RAF1: variants seen among roughly 807,000 people sequenced by gnomAD.
RAF1 encodes Raf-1 proto-oncogene, serine/threonine kinase.
A neutral mutation model predicts 81.1 loss-of-function variants in RAF1; 27 were observed. The observed-to-expected ratio is 0.33, with a 90% CI of 0.25 to 0.46. The LOEUF (loss-of-function observed/expected upper bound fraction) is 0.46. RAF1 is among the 20% of genes least tolerant of loss of function. RAF1 has a pLI of 1.00. For synonymous variants in RAF1, 298 were observed against 294.0 expected (o/e 1.01, Z -0.14); for missense variants, 598 against 826.0 (o/e 0.72, Z 3.38).
At chr3:12,619,069 C>T (rs907651439) in intron 1 of RAF1, among the ~76,000 whole-genome samples, 1 of 150,642 alleles carries the variant, frequency 6.6e-6, no homozygotes, top group South Asian at 2.1e-4. Flanking sequence ...CACGGTGAAA[C>T]CCCATCTCTA....
At chr3:12,607,968 A>G (rs1362858563) in intron 5 of RAF1, among the ~76,000 whole-genome samples, 1 of 151,208 alleles carries the variant, frequency 6.6e-6, no homozygotes, top group African/African-American at 2.4e-5. Context: ...AAAAAAAAAA[A>G]AAAAAGGGTG....
chr3:12,604,106 G>A (rs1408871969), intron 7 of RAF1, 30 bp downstream of exon 7: 1 of 1,613,110 alleles, frequency 6.2e-7, no homozygotes, highest in Admixed American at 1.7e-5. Context: ...TTAATTGACT[G>A]ACATTACCAC....
chr3:12,607,950 A>C (rs1261584894), intron 5 of RAF1, among the ~76,000 whole-genome samples: 28 of 22,012 alleles, frequency 1.3e-3, no homozygotes, highest in Non-Finnish European at 2.4e-3. Flanking sequence ...ACTTGTCTCC[A>C]AAAAAAAAAA....
chr3:12,614,777 C>T (rs1298131552), intron 2 of RAF1, among the ~76,000 whole-genome samples: 10 of 152,058 alleles, frequency 6.6e-5, no homozygotes, highest in South Asian at 2.1e-4. Context: ...AGTTTCTTGA[C>T]GCAGTGATAC....
intron 13 of RAF1, chr3:12,589,658 A>T (rs955779040): frequency 6.6e-6 from 1 of 152,196 alleles, no homozygotes; most frequent in East Asian, 1.9e-4. Context: ...CCAGCAACCT[A>T]TGAGACTGAG....
chr3:12,625,371 C>A (rs1034555625), intron 1 of RAF1, among the ~76,000 whole-genome samples: 1 of 152,206 alleles, frequency 6.6e-6, no homozygotes, highest in South Asian at 2.1e-4. Context: ...CCATGAGCTA[C>A]TGTGCCCAGA....
intron 1 of RAF1, among the ~76,000 whole-genome samples, chr3:12,649,227 A>G (rs538702494): frequency 6.6e-6 from 1 of 152,220 alleles, no homozygotes; most frequent in Non-Finnish European, 1.5e-5. Context: ...TGTAAAACTG[A>G]TAATATCATT....
intron 1 of RAF1, among the ~76,000 whole-genome samples, chr3:12,619,866 A>T (rs1266762679): frequency 6.6e-6 from 1 of 152,000 alleles, no homozygotes; most frequent in Non-Finnish European, 1.5e-5. Context: ...GCGGATCACA[A>T]GGTCAGGAGA....
chr3:12,609,106 C>T (rs2125418499), intron 4 of RAF1, 127 bp downstream of exon 4: 3 of 1,035,316 alleles, frequency 2.9e-6, no homozygotes, highest in Non-Finnish European at 4.5e-6. Flanking sequence ...TTACTGTAAA[C>T]AACAGCATAA....
intron 1 of RAF1, among the ~76,000 whole-genome samples, chr3:12,647,737 C>T (rs2060398953): frequency 1.3e-5 from 2 of 152,224 alleles, no homozygotes; most frequent in South Asian, 2.1e-4. Context: ...AAAGGGCACT[C>T]TCATGCACTG....
chr3:12,619,567 CAA>C (rs544916552), intron 1 of RAF1, among the ~76,000 whole-genome samples: 17 of 81,042 alleles, frequency 2.1e-4, no homozygotes, highest in Admixed American at 2.5e-4. Context: ...CTCCATCTCC[CAA>C]AAAAAAAAAA....
At chr3:12,607,526 T>C (rs964275023) in intron 5 of RAF1, among the ~76,000 whole-genome samples, 6 of 152,116 alleles carry the variant, frequency 3.9e-5, no homozygotes, top group African/African-American at 1.4e-4. Context: ...CATACACTTG[T>C]AGTCCCAGCT....
At chr3:12,623,259 G>A (rs924315864) in intron 1 of RAF1, among the ~76,000 whole-genome samples, 14 of 152,094 alleles carry the variant, frequency 9.2e-5, no homozygotes, top group Admixed American at 3.3e-4. Context: ...ATCGATTGGT[G>A]AAGAATCCAC....
Position 12,624,789 on chromosome 3 carries a change from G to A in RAF1, c.-26-6042C>T, listed in dbSNP as rs527683948. 6.0e-5 allele frequency among the ~76,000 whole-genome samples: 9 copies of A among 151,156 alleles called. No individual in the cohort carries two copies. The South Asian group carries it at 1.9e-3, about 31-fold the overall frequency. The stretch of plus-strand genomic sequence containing the variant: ...GACCAAGGTGGATGGATCACCTGAG[G>A]TCAGGAGAATTGCTTGAACCCAGGA... On this transcript the variant is annotated intron_variant, in intron 1 of 17. Transcript: ENST00000442415.
At chr3:12,635,995 T>G (rs2060017215) in intron 1 of RAF1, among the ~76,000 whole-genome samples, 1 of 143,796 alleles carries the variant, frequency 7.0e-6, no homozygotes, top group Non-Finnish European at 1.5e-5. Flanking sequence ...ATTAATAATG[T>G]TGTTTTTAGG....
At chr3:12,659,124 C>G (rs1010522827) in intron 1 of RAF1, among the ~76,000 whole-genome samples, 7 of 151,778 alleles carry the variant, frequency 4.6e-5, no homozygotes, top group African/African-American at 1.7e-4. Flanking sequence ...AAAAAAATAG[C>G]CATTACTATC....
Position 12,663,858 on chromosome 3 carries a change from T to C in RAF1, c.-72A>G. 1 of 397,902 alleles carries C rather than the reference T, an allele frequency of 2.5e-6. No individual in the cohort carries two copies. The highest frequency in any genetic ancestry group is 4.4e-6 in the Non-Finnish European group (1 of 225,578). The allele number at this position is 397,902 out of a possible 1,614,324, so 24.6% of individuals were successfully genotyped here. On this transcript the variant is annotated 5_prime_UTR_variant, in exon 1 of 18. Coordinates refer to ENST00000442415, the MANE Select transcript of RAF1 (RefSeq NM_001354689.3). ...CAACGTCCTGTCGTTCGGCGGCAGCTTCTCGCCCGCTCCTCCTCCCCGCGG... is the reference window on the plus strand; with the variant it reads ...CAACGTCCTGTCGTTCGGCGGCAGCCTCTCGCCCGCTCCTCCTCCCCGCGG...
At chr3:12,661,203 A>AT (rs2060865917) in intron 1 of RAF1, among the ~76,000 whole-genome samples, 1 of 152,256 alleles carries the variant, frequency 6.6e-6, no homozygotes, top group Non-Finnish European at 1.5e-5. Context: ...TAGCATAAAC[A>AT]TTAATCACAA....
intron 2 of RAF1, 137 bp from the exon 3 acceptor site, chr3:12,612,199 T>C (rs2059233951): frequency 5.6e-6 from 4 of 710,920 alleles, no homozygotes; most frequent in Non-Finnish European, 7.7e-6. Context: ...AACCTGAATG[T>C]CCAGCAATAG....
Sources: gnomAD v4.1 joint callset for allele counts (sites outside exome capture counted in the v4.1 genomes callset) on GRCh38, gnomAD v4.1.1 for gene constraint, MANE v1.5 for transcripts, NCBI Gene and HGNC (gene_info 2026-07-23, HGNC 2026-07-21) for gene names.